Variants in GABPB1 observed in about 807,000 individuals in gnomAD.
GABPB1 encodes the protein GA binding protein transcription factor subunit beta 1, also known as GA-binding protein subunit beta-1.
In GABPB1, 15 loss-of-function variants were observed where a neutral mutation model predicts 45.9. That is an observed-to-expected ratio of 0.33 (90% confidence interval 0.22 to 0.50). The LOEUF (loss-of-function observed/expected upper bound fraction) is 0.50, where lower values mean the gene tolerates loss of function less well. Ranked by LOEUF, GABPB1 falls within the 20% of genes least tolerant of loss-of-function variation. The pLI, the probability that GABPB1 is intolerant of heterozygous loss-of-function variation, is 0.98. For synonymous variants in GABPB1, 143 were observed against 154.4 expected, an observed-to-expected ratio of 0.93 and a Z score of 0.55; for missense variants, 252 against 457.5, an observed-to-expected ratio of 0.55 and a Z score of 4.10.
chr15:50,301,418 A>G, intron 4 of GABPB1, 50 bp from the exon 5 acceptor site: 1 of 1,505,046 alleles, frequency 6.6e-7, no homozygotes, highest in Non-Finnish European at 9.1e-7. Flanking sequence ...CAGAACATAT[A>G]GCACAAATTC....
chr15:50,278,690 G>C lies in GABPB1; in HGVS notation c.1094C>G (p.Ala365Gly), dbSNP rs1342994709. 14 of 1,613,144 alleles carry C rather than the reference G, an allele frequency of 8.7e-6. No individual in the cohort carries two copies. Among genetic ancestry groups the C allele is most frequent in the Non-Finnish European group, 1.2e-5 (14 of 1,179,584 alleles). The part of the protein sequence containing the change: ...QLLKKEQEAE[A>G]YRQKLEAMTR... ...CATAGCTTCCAACTTCTGTCTGTAG[G>C]CCTCTGCTTCCTGTTCTTTCTTTAG... The change falls in exon 9 of 9, where the codon GCC (alanine) becomes GGC (glycine). Residue 365 changes from alanine (A) to glycine (G), a missense_variant. Ala to Gly is a moderately conservative substitution (Grantham distance 60, BLOSUM62 0). Around this residue, in one of 4 missense-constraint regions of GABPB1, gnomAD observed 19 missense variants for 23.8 expected, o/e 0.80. Coordinates refer to ENST00000380877, the MANE Select transcript of GABPB1 (RefSeq NM_016654.5).
At chr15:50,292,542 G>T (rs1042514468) in intron 6 of GABPB1, among the ~76,000 whole-genome samples, 54 of 152,168 alleles carry the variant, frequency 3.5e-4, no homozygotes, top group African/African-American at 1.3e-3. Context: ...TCATTATCAG[G>T]ATGGGCTGAT....
At chr15:50,288,824 C>CT (rs934443995) in intron 7 of GABPB1, among the ~76,000 whole-genome samples, 25 of 147,698 alleles carry the variant, frequency 1.7e-4, no homozygotes, top group Middle Eastern at 3.5e-3. Context: ...CTAAGTCCAC[C>CT]TTTTTTTTTT....
At chr15:50,333,148 T>C (rs1357808797) in intron 1 of GABPB1, among the ~76,000 whole-genome samples, 1 of 152,152 alleles carries the variant, frequency 6.6e-6, no homozygotes, top group African/African-American at 2.4e-5. Context: ...AGCTTATGAC[T>C]ACAATATTGG....
chr15:50,276,703 A>C lies in GABPB1; in HGVS notation c.*1929T>G, dbSNP rs978928734. ...TCAGGGCCAGCCTGGTCTGAAAGCA[A>C]AACTCTACAGTGATTGCCCTCTGGG... is the stretch of plus-strand genomic sequence containing the variant. On this transcript the variant is annotated 3_prime_UTR_variant, in exon 9 of 9. Transcript: ENST00000380877. 1.3e-5 allele frequency: 2 copies of C among 152,224 alleles called. No individual in the cohort carries two copies. Among genetic ancestry groups the C allele is most frequent in the Non-Finnish European group, 2.9e-5 (2 of 68,048 alleles). The allele number at this position is 152,224 out of a possible 1,614,324, so 9.4% of individuals were successfully genotyped here.
At chr15:50,306,551 C>T (rs763320046) in intron 2 of GABPB1, among the ~76,000 whole-genome samples, 20 of 150,108 alleles carry the variant, frequency 1.3e-4, no homozygotes, top group African/African-American at 2.7e-4. Context: ...CACTTGAACC[C>T]GGGAGGCAGA....
intron 1 of GABPB1, among the ~76,000 whole-genome samples, chr15:50,310,490 G>A (rs2047093243): frequency 6.6e-6 from 1 of 152,198 alleles, no homozygotes; most frequent in South Asian, 2.1e-4. Context: ...GCAAGATATT[G>A]TCATCTGTTG....
At chr15:50,336,612 G>A (rs931886809) in intron 1 of GABPB1, among the ~76,000 whole-genome samples, 1 of 151,536 alleles carries the variant, frequency 6.6e-6, no homozygotes, top group African/African-American at 2.4e-5. Context: ...GAGCCCAGGA[G>A]GTCAAAGTTG....
intron 8 of GABPB1, among the ~76,000 whole-genome samples, chr15:50,280,319 T>C (rs184856344): frequency 6.6e-6 from 1 of 152,244 alleles, no homozygotes; most frequent in East Asian, 1.9e-4. Flanking sequence ...AAGCAATCAA[T>C]GCCAGTACCC....
intron 5 of GABPB1, 118 bp downstream of exon 5, chr15:50,301,139 T>A: frequency 7.2e-7 from 1 of 1,393,952 alleles, no homozygotes; most frequent in Non-Finnish European, 9.8e-7. Context: ...CTTACCCTCA[T>A]TCTCCAACCG....
At chr15:50,327,505 G>T (rs1003380399) in intron 1 of GABPB1, among the ~76,000 whole-genome samples, 1 of 152,174 alleles carries the variant, frequency 6.6e-6, no homozygotes, top group South Asian at 2.1e-4. Context: ...TGCCCTTAAA[G>T]AATTCACCAT....
intron 1 of GABPB1, among the ~76,000 whole-genome samples, chr15:50,329,992 G>A (rs896374017): frequency 1.3e-5 from 2 of 150,280 alleles, no homozygotes; most frequent in African/African-American, 4.9e-5. Context: ...CTGCAGCCTC[G>A]ACCTCTCAGA....
chr15:50,288,510 A>T (rs2046239078), intron 7 of GABPB1, among the ~76,000 whole-genome samples: 1 of 152,116 alleles, frequency 6.6e-6, no homozygotes, highest in African/African-American at 2.4e-5. Flanking sequence ...CTTCCTACTG[A>T]GTCTGGGGCC....
chr15:50,338,183 G>A (rs1209794900), intron 1 of GABPB1, among the ~76,000 whole-genome samples: 1 of 151,772 alleles, frequency 6.6e-6, no homozygotes, highest in Non-Finnish European at 1.5e-5. Context: ...GGGATTACAG[G>A]CACGTGCCAC....
At chr15:50,301,123 T>C (rs1463275557) in intron 5 of GABPB1, 134 bp downstream of exon 5, 6 of 1,268,350 alleles carry the variant, frequency 4.7e-6, no homozygotes, top group East Asian at 4.7e-5. Flanking sequence ...AGGTGGCTGA[T>C]AGAATCTTAC....
chr15:50,281,511 T>C (rs1181469667), intron 8 of GABPB1, among the ~76,000 whole-genome samples: 1 of 152,140 alleles, frequency 6.6e-6, no homozygotes, highest in Non-Finnish European at 1.5e-5. Context: ...GCGCCCGGCC[T>C]AAATGTTTTT....
intron 1 of GABPB1, among the ~76,000 whole-genome samples, chr15:50,345,914 T>C (rs1393072553): frequency 6.6e-6 from 1 of 151,984 alleles, no homozygotes; most frequent in Non-Finnish European, 1.5e-5. Flanking sequence ...GGTTTCACTG[T>C]GTTAGCCAGG....
chr15:50,303,150 T>C (rs369822272), intron 3 of GABPB1, 27 bp from the exon 4 acceptor site: 1 of 1,537,026 alleles, frequency 6.5e-7, no homozygotes, highest in African/African-American at 1.4e-5. Context: ...AAGAGTTTAC[T>C]AAAATATGAA....
rs1029992342 is a variant in GABPB1, at chr15:50,275,442, A to G, written c.*3190T>C. On this transcript the variant is annotated 3_prime_UTR_variant, in exon 9 of 9. Transcript: ENST00000380877. ...AAGTACAGATGCTCTCTGGCTTGCA[A>G]TGGGGTTATGTCCTGATAAACCCAT... 1 of 152,230 alleles carries G rather than the reference A, an allele frequency of 6.6e-6. No homozygotes were observed. Among genetic ancestry groups the G allele is most frequent in the Non-Finnish European group, 1.5e-5 (1 of 68,030 alleles). The allele number at this position is 152,230 out of a possible 1,614,324, so 9.4% of individuals were successfully genotyped here.
Sources: allele counts gnomAD v4.1 joint callset (sites outside exome capture counted in the v4.1 genomes callset), GRCh38; gene constraint gnomAD v4.1.1; regional missense constraint gnomAD v4.1.1; transcripts MANE v1.5; gene names NCBI Gene and HGNC (gene_info 2026-07-23, HGNC 2026-07-21).